Variants in MECOM observed in about 807,000 individuals in gnomAD.
MECOM encodes the protein histone-lysine N-methyltransferase MECOM.
In MECOM, 13 loss-of-function variants were observed where a neutral mutation model predicts 116.3. The observed-to-expected ratio is 0.11, with a 90% confidence interval of 0.07 to 0.18. The LOEUF (loss-of-function observed/expected upper bound fraction) is 0.18. Ranked by LOEUF, MECOM falls within the 10% of genes least tolerant of loss-of-function variation. The pLI is 1.00. For synonymous variants in MECOM, 528 were observed against 535.2 expected (o/e 0.99, Z 0.19); for missense variants, 1,299 against 1,509.0 (o/e 0.86, Z 2.31).
intron 2 of MECOM, among the ~76,000 whole-genome samples, chr3:169,305,248 ATTCCAGATT>A (rs1177175432): frequency 2.0e-5 from 3 of 152,232 alleles, no homozygotes; most frequent in African/African-American, 7.2e-5. Flanking sequence ...AAGTTAATTA[ATTCCAGATT>A]TTATTATGTT....
chr3:169,328,211 A>G (rs973144714), intron 2 of MECOM, among the ~76,000 whole-genome samples: 1 of 152,170 alleles, frequency 6.6e-6, no homozygotes, highest in Non-Finnish European at 1.5e-5. Context: ...TGTCTCTTGT[A>G]TGTTCCCAGC....
In MECOM at chr3:169,321,270, G is replaced by A. The variant is rs565615736; in HGVS notation, c.375+59917C>T. 1.0e-3 allele frequency among the ~76,000 whole-genome samples: 155 copies of A among 152,314 alleles called. 1 individual carries two copies. Among genetic ancestry groups the A allele is most frequent in the African/African-American group, 3.5e-3 (147 of 41,566 alleles). On this transcript the variant is annotated intron_variant, in intron 2 of 16. Transcript: ENST00000651503. ...AGAATACAAAGAGTGGGCCGGGTGA[G>A]GTGGCTCACTCCTGTAATCCCAGCA...
intron 1 of MECOM, among the ~76,000 whole-genome samples, chr3:169,471,115 C>T (rs1422400335): frequency 6.6e-6 from 1 of 152,028 alleles, no homozygotes; most frequent in Non-Finnish European, 1.5e-5. Context: ...CCTCAGCCTC[C>T]AGGGTAGCTG....
chr3:169,094,006 A>G (rs1023591902), intron 13 of MECOM, among the ~76,000 whole-genome samples: 26 of 152,202 alleles, frequency 1.7e-4, no homozygotes, highest in African/African-American at 6.0e-4. Flanking sequence ...TAAGAAAATT[A>G]TAGTTGTATG....
At chr3:169,647,441 C>T (rs946197769) in intron 1 of MECOM, among the ~76,000 whole-genome samples, 5 of 152,090 alleles carry the variant, frequency 3.3e-5, no homozygotes, top group African/African-American at 1.2e-4. Context: ...AAATAGCTGG[C>T]CAATGCCCAC....
intron 2 of MECOM, among the ~76,000 whole-genome samples, chr3:169,378,868 A>G (rs1228372076): frequency 1.3e-5 from 2 of 152,044 alleles, no homozygotes; most frequent in Non-Finnish European, 2.9e-5. Context: ...TAGTCCCTCA[A>G]TAATTGTTTG....
At chr3:169,338,911 CTA>C (rs1353935562) in intron 2 of MECOM, among the ~76,000 whole-genome samples, 1 of 152,018 alleles carries the variant, frequency 6.6e-6, no homozygotes, top group East Asian at 1.9e-4. Flanking sequence ...GGAAAAAAAG[CTA>C]TGTTTTTACA....
chr3:169,396,709 G>A (rs1273421985), intron 1 of MECOM, among the ~76,000 whole-genome samples: 1 of 152,102 alleles, frequency 6.6e-6, no homozygotes, highest in Non-Finnish European at 1.5e-5. Flanking sequence ...GGTGGCTCAC[G>A]CCTGTAATCC....
At chr3:169,306,798 G>A (rs561278001) in intron 2 of MECOM, among the ~76,000 whole-genome samples, 1 of 152,272 alleles carries the variant, frequency 6.6e-6, no homozygotes, top group South Asian at 2.1e-4. Flanking sequence ...ATCCTAAAGG[G>A]TTTCTTCTTT....
At chr3:169,356,750 A>G (rs536841399) in intron 2 of MECOM, among the ~76,000 whole-genome samples, 41 of 152,074 alleles carry the variant, frequency 2.7e-4, no homozygotes, top group Admixed American at 2.0e-3. Context: ...GCCCTCATTC[A>G]TGCTCACTGT....
At chr3:169,366,283 T>C (rs1416788541) in intron 2 of MECOM, among the ~76,000 whole-genome samples, 1 of 151,888 alleles carries the variant, frequency 6.6e-6, no homozygotes, top group African/African-American at 2.4e-5. Flanking sequence ...CTCAATCACG[T>C]GAGCAGAAAT....
At chr3:169,187,118 A>G (rs1408768883) in intron 2 of MECOM, among the ~76,000 whole-genome samples, 6 of 152,168 alleles carry the variant, frequency 3.9e-5, no homozygotes, top group Admixed American at 3.9e-4. Flanking sequence ...AGCACACATT[A>G]TGATGCTTTT....
intron 1 of MECOM, among the ~76,000 whole-genome samples, chr3:169,411,215 T>C (rs12488270): frequency 0.045 from 6,749 of 151,286 alleles, 463 homozygotes; most frequent in Admixed American, 0.19. Flanking sequence ...ATTTTCCAAA[T>C]GACACTATTG....
chr3:169,473,579 G>C (rs1016324859), intron 1 of MECOM, among the ~76,000 whole-genome samples: 12 of 152,040 alleles, frequency 7.9e-5, no homozygotes, highest in African/African-American at 2.9e-4. Context: ...GACAATCCTG[G>C]CCAACACAGT....
At position 169,243,441 on chromosome 3, in the gene MECOM, C is replaced by A. The variant is rs573898683; in HGVS notation, c.376-99609G>T. Among the ~76,000 whole-genome samples, 10 of 152,274 alleles carry A rather than the reference C, an allele frequency of 6.6e-5. No individual in the cohort carries two copies. The East Asian group carries it at 1.9e-3, about 29-fold the overall frequency. ...TGAAGGATTTAATTATGTACATAGA[C>A]AACCCCTATAAACTCTATTCTAGGG... On this transcript the variant is annotated intron_variant, in intron 2 of 16. Transcript: ENST00000651503.
intron 2 of MECOM, among the ~76,000 whole-genome samples, chr3:169,257,133 A>G (rs947041631): frequency 1.3e-5 from 2 of 152,232 alleles, no homozygotes; most frequent in African/African-American, 4.8e-5. Flanking sequence ...TCCATGTTTA[A>G]AAGAAAAAAG....
Position 169,629,402 on chromosome 3 carries a change from T to C in MECOM, c.37+33934A>G, listed in dbSNP as rs192865656. 1.4e-3 allele frequency among the ~76,000 whole-genome samples: 220 copies of C among 152,138 alleles called. 4 individuals are homozygous for C. The highest frequency in any genetic ancestry group is 5.2e-3 in the African/African-American group (215 of 41,518). On this transcript the variant is annotated intron_variant, in intron 1 of 16. Transcript: ENST00000651503. ...TATATACCCTTGTTTACAGAAAATGTCACATAATGAAATTTGAGGTCCTTC... is the reference window on the plus strand; with the variant it reads ...TATATACCCTTGTTTACAGAAAATGCCACATAATGAAATTTGAGGTCCTTC...
intron 7 of MECOM, among the ~76,000 whole-genome samples, chr3:169,119,815 T>C (rs1043268161): frequency 1.3e-5 from 2 of 152,182 alleles, no homozygotes; most frequent in African/African-American, 4.8e-5. Context: ...TGACCTTCAA[T>C]AGAGCTTCCC....
intron 1 of MECOM, among the ~76,000 whole-genome samples, chr3:169,572,815 C>A (rs1335163302): frequency 6.6e-6 from 1 of 152,008 alleles, no homozygotes; most frequent in Admixed American, 6.5e-5. Flanking sequence ...ACATCACACA[C>A]CGGGGCCTGT....
Sources: gnomAD v4.1 joint callset for allele counts (sites outside exome capture counted in the v4.1 genomes callset) on GRCh38, gnomAD v4.1.1 for gene constraint, MANE v1.5 for transcripts, NCBI Gene and HGNC (gene_info 2026-07-23, HGNC 2026-07-21) for gene names.